PARD3: variants seen among roughly 807,000 people sequenced by gnomAD.
PARD3 encodes the protein par-3 family cell polarity regulator.
PARD3 carries 75 observed loss-of-function variants against 155.4 expected under a neutral mutation model. That is an observed-to-expected ratio of 0.48 (90% CI 0.40 to 0.58). The LOEUF (loss-of-function observed/expected upper bound fraction) is 0.58. Ranked by LOEUF, PARD3 falls within the 20% of genes least tolerant of loss-of-function variation. The pLI, the probability that PARD3 is intolerant of heterozygous loss-of-function variation, is 0.00. For missense variants in PARD3, 1,642 were observed against 1,721.7 expected, an observed-to-expected ratio of 0.95 and a Z score of 0.82; for synonymous variants, 576 against 610.5, an observed-to-expected ratio of 0.94 and a Z score of 0.83.
intron 1 of PARD3, among the ~76,000 whole-genome samples, chr10:34,797,827 G>C (rs958786934): frequency 2.0e-5 from 3 of 152,128 alleles, no homozygotes; most frequent in African/African-American, 7.2e-5. Flanking sequence ...GTGGCTATTA[G>C]ACTAGACATC....
chr10:34,470,303 A>G, intron 3 of PARD3, 40 bp from the exon 4 acceptor site: 3 of 1,421,716 alleles, frequency 2.1e-6, no homozygotes, highest in Middle Eastern at 3.7e-4. Flanking sequence ...ATAAGATACT[A>G]ATGTTGGTAA....
chr10:34,469,658 C>G (rs1034488332), intron 4 of PARD3, among the ~76,000 whole-genome samples: 2 of 151,934 alleles, frequency 1.3e-5, no homozygotes, highest in African/African-American at 4.8e-5. Flanking sequence ...ACCTCATGAA[C>G]CAATATAAAT....
At position 34,147,002 on chromosome 10, in the gene PARD3, C is replaced by CT. The variant is rs201006240; in HGVS notation, c.3420-15420dup. 4.5e-3 allele frequency among the ~76,000 whole-genome samples: 684 copies of CT among 152,076 alleles called. 5 individuals carry two copies. The highest frequency in any genetic ancestry group is 0.014 in the African/African-American group (563 of 41,466). On this transcript the variant is annotated intron_variant, in intron 22 of 24. Transcript: ENST00000374788. ...GATTAGCCAAAGGTTTACTGAAAGC[C>CT]TTTTTTGTTTCAATCCTTGTGTTTG...
intron 22 of PARD3, among the ~76,000 whole-genome samples, chr10:34,150,179 G>T (rs936025136): frequency 6.6e-6 from 1 of 152,124 alleles, no homozygotes; most frequent in Non-Finnish European, 1.5e-5. Context: ...TGAGATACAA[G>T]TAAACATCTA....
chr10:34,208,265 A>C, intron 22 of PARD3, among the ~76,000 whole-genome samples: 1 of 152,280 alleles, frequency 6.6e-6, no homozygotes, highest in Admixed American at 6.5e-5. Context: ...TTAAAGAAGA[A>C]GTATTTCAGC....
chr10:34,390,262 C>T (rs1200833441), intron 7 of PARD3, among the ~76,000 whole-genome samples: 4 of 152,090 alleles, frequency 2.6e-5, no homozygotes, highest in South Asian at 4.2e-4. Context: ...CTCAATTTTA[C>T]GACATAATAG....
At chr10:34,634,557 G>A (rs758516439) in intron 2 of PARD3, among the ~76,000 whole-genome samples, 1 of 152,148 alleles carries the variant, frequency 6.6e-6, no homozygotes, top group Non-Finnish European at 1.5e-5. Flanking sequence ...ATAAACAGAA[G>A]AAACTGAAAG....
intron 5 of PARD3, among the ~76,000 whole-genome samples, chr10:34,433,874 C>T (rs1392762316): frequency 1.3e-5 from 2 of 152,092 alleles, no homozygotes; most frequent in African/African-American, 2.4e-5. Flanking sequence ...GTGACAGAGA[C>T]CCAATGCCTC....
intron 19 of PARD3, among the ~76,000 whole-genome samples, chr10:34,327,191 G>A (rs1835117041): frequency 6.6e-6 from 1 of 152,176 alleles, no homozygotes; most frequent in South Asian, 2.1e-4. Flanking sequence ...ATAGAAGAGG[G>A]AGCAGATTGT....
intron 20 of PARD3, among the ~76,000 whole-genome samples, chr10:34,306,995 T>C (rs981996966): frequency 6.6e-6 from 1 of 151,914 alleles, no homozygotes; most frequent in Non-Finnish European, 1.5e-5. Flanking sequence ...CACACCATTC[T>C]CCTGCCTCAG....
chr10:34,429,451 A>G (rs1301997896), intron 5 of PARD3, among the ~76,000 whole-genome samples: 1 of 151,798 alleles, frequency 6.6e-6, no homozygotes, highest in African/African-American at 2.4e-5. Flanking sequence ...CTGGAGTACA[A>G]GTGGCATGAT....
chr10:34,292,649 T>A (rs954501602), intron 20 of PARD3, among the ~76,000 whole-genome samples: 4 of 152,110 alleles, frequency 2.6e-5, no homozygotes, highest in African/African-American at 9.7e-5. Flanking sequence ...TCAGTGCCAA[T>A]CTGATTAGAT....
chr10:34,451,407 A>G (rs772433630), intron 4 of PARD3, among the ~76,000 whole-genome samples: 6 of 152,292 alleles, frequency 3.9e-5, no homozygotes, highest in Non-Finnish European at 2.9e-5. Flanking sequence ...CACTGTTAAG[A>G]GTAATCTGGC....
At chr10:34,547,690 A>G (rs1466943171) in intron 2 of PARD3, among the ~76,000 whole-genome samples, 1 of 152,228 alleles carries the variant, frequency 6.6e-6, no homozygotes, top group African/African-American at 2.4e-5. Flanking sequence ...ATGACCTGAC[A>G]TCTATTGACC....
rs1159805378 is a variant in PARD3, at chr10:34,666,812, T to TAC, written c.222+29505_222+29506insGT. Among the ~76,000 whole-genome samples the TAC allele has an allele frequency of 5.1e-3, 485 of 95,264 alleles. 9 individuals are homozygous for TAC. Among genetic ancestry groups the TAC allele is most frequent in the African/African-American group, 0.022 (457 of 21,176 alleles). 62.5% of individuals were successfully genotyped at this position (95,264 alleles called of 152,430 possible). On this transcript the variant is annotated intron_variant, in intron 2 of 24. Transcript: ENST00000374788. Reference sequence around the variant, plus strand: ...AAAAAAAAAAATATATATATATATATATATACACACACACACACACACACA... The same window carrying TAC: ...AAAAAAAAAAATATATATATATATATACATATACACACACACACACACACACA...
chr10:34,353,872 C>T (rs1254327178), intron 14 of PARD3, among the ~76,000 whole-genome samples: 1 of 151,654 alleles, frequency 6.6e-6, no homozygotes, highest in Non-Finnish European at 1.5e-5. Flanking sequence ...CTCAGTTTTT[C>T]TCTAAAAAAG....
intron 12 of PARD3, among the ~76,000 whole-genome samples, chr10:34,371,485 T>A (rs1225035896): frequency 1.3e-4 from 4 of 29,644 alleles, no homozygotes; most frequent in Non-Finnish European, 2.8e-4. Flanking sequence ...GATTCTAGAC[T>A]CAAAAAAAAA....
At chr10:34,614,464 T>C (rs1156949418) in intron 2 of PARD3, among the ~76,000 whole-genome samples, 1 of 152,248 alleles carries the variant, frequency 6.6e-6, no homozygotes, top group African/African-American at 2.4e-5. Flanking sequence ...ACAAGGCTGA[T>C]TATGAATGAT....
Position 34,317,285 on chromosome 10 carries a change from C to T in PARD3, c.2887G>A (p.Ala963Thr). ...AGAGAGTGGGAAGGCTGATCACTGG[C>T]TGTGGATACAGACTCTCTCCCTGAT... is the stretch of plus-strand genomic sequence containing the variant. ...SRSGRESVST[A>T]SDQPSHSLER... is the part of the protein sequence containing the mutation. The change falls in exon 20 of 25, where the codon GCC (alanine) becomes ACC (threonine). Residue 963 changes from alanine (A) to threonine (T), a missense_variant. Transcript: ENST00000374788. 6.2e-7 allele frequency: 1 copy of T among 1,613,488 alleles called. No homozygotes were observed. Among genetic ancestry groups the T allele is most frequent in the South Asian group, 1.1e-5 (1 of 91,028 alleles).
Sources: allele counts gnomAD v4.1 joint callset (sites outside exome capture counted in the v4.1 genomes callset), GRCh38; gene constraint gnomAD v4.1.1; transcripts MANE v1.5; gene names NCBI Gene and HGNC (gene_info 2026-07-23, HGNC 2026-07-21).